The following DNAH12 variants were observed in gnomAD, a reference collection of about 807,000 sequenced individuals.
DNAH12 encodes the protein dynein axonemal heavy chain 12, also known as axonemal beta dynein heavy chain 12.
DNAH12 carries 285 observed loss-of-function variants against 371.5 expected under a neutral mutation model. The ratio of observed to expected loss-of-function variants is 0.77; its 90% CI spans 0.70 to 0.85. DNAH12 has a LOEUF of 0.85. DNAH12 is among the 40% of genes least tolerant of loss of function. The probability of loss-of-function intolerance (pLI) is 0.00; values close to 1 mark genes in which losing one functional copy is unlikely to be tolerated. For missense variants in DNAH12, 3,611 were observed against 3,689.4 expected (o/e 0.98, Z 0.55); for synonymous variants, 1,200 against 1,213.0 (o/e 0.99, Z 0.22).
chr3:57,322,946 A>C, intron 64 of DNAH12, 61 bp downstream of exon 64: 1 of 1,513,368 alleles, frequency 6.6e-7, no homozygotes, highest in Non-Finnish European at 8.9e-7. Flanking sequence ...AACAAACAAA[A>C]CAAATAAGAT....
chr3:57,349,786 C>T (rs1470877797), intron 60 of DNAH12, among the ~76,000 whole-genome samples: 1 of 152,164 alleles, frequency 6.6e-6, no homozygotes, highest in Admixed American at 6.5e-5. Context: ...GCCTCCAGGG[C>T]TCAACTGATT....
At chr3:57,364,800 G>A (rs918252242) in intron 57 of DNAH12, among the ~76,000 whole-genome samples, 1 of 152,056 alleles carries the variant, frequency 6.6e-6, no homozygotes. Context: ...TTAAAAAATG[G>A]GCAAAGGACA....
At chr3:57,398,392 A>T (rs1039272377) in intron 43 of DNAH12, among the ~76,000 whole-genome samples, 5 of 152,216 alleles carry the variant, frequency 3.3e-5, no homozygotes, top group African/African-American at 7.2e-5. Flanking sequence ...AATGACTGAA[A>T]ATTTCTCAAA....
At chr3:57,472,466 C>T in intron 14 of DNAH12, 80 bp downstream of exon 14, 1 of 1,488,294 alleles carries the variant, frequency 6.7e-7, no homozygotes, top group South Asian at 1.3e-5. Context: ...AGTTAGATGG[C>T]CAGGAGATAT....
chr3:57,542,434 T>A (rs1410900530), intron 2 of DNAH12, among the ~76,000 whole-genome samples: 1 of 152,206 alleles, frequency 6.6e-6, no homozygotes, highest in African/African-American at 2.4e-5. Flanking sequence ...TATACCTCAG[T>A]ATACTCATCT....
chr3:57,310,656 C>T, intron 67 of DNAH12, 61 bp downstream of exon 67: 1 of 1,152,350 alleles, frequency 8.7e-7, no homozygotes. Flanking sequence ...AAGAACATTT[C>T]ACCATTTGCT....
Position 57,334,608 on chromosome 3 carries a change from GC to G in DNAH12, c.9834del (p.Arg3278SerfsTer33). On this transcript the variant is annotated frameshift_variant and splice_region_variant, in exon 62 of 74. Coordinates refer to ENST00000495027, the MANE Select transcript of DNAH12 (RefSeq NM_001366028.2). LOFTEE classifies it high-confidence loss of function. ...ASEFPAFRGLRQHFCEHIYEW... is the reference protein window; with the variant it reads ...ASEFPAFRGLXQHFCEHIYEW... ...TCATATATATGTTCACAAAAATGTT[GC>G]CTAATAGAAAAAAGCTTAAGAATTA... is the stretch of plus-strand genomic sequence containing the variant. 2 of 1,530,676 alleles carry G rather than the reference GC, an allele frequency of 1.3e-6. No homozygotes were observed. The highest frequency in any genetic ancestry group is 2.8e-5 in the African/African-American group (2 of 71,760). The allele number at this position is 1,530,676 out of a possible 1,614,324, so 94.8% of individuals were successfully genotyped here.
Position 57,329,079 on chromosome 3 carries a change from G to A in DNAH12, c.9978+5386C>T, listed in dbSNP as rs1354275257. Among the ~76,000 whole-genome samples, 20 of 148,988 alleles carry A rather than the reference G, an allele frequency of 1.3e-4. 1 individual carries two copies. In the East Asian group the frequency reaches 2.8e-3, roughly 21 times the overall value. On this transcript the variant is annotated intron_variant, in intron 62 of 73. Coordinates refer to ENST00000495027, the MANE Select transcript of DNAH12 (RefSeq NM_001366028.2). Reference sequence around the variant, plus strand: ...ATTAAAGAGGATACAAACAAATGGAGGAACATTCCATGCTCATGGGTAGGA... The same window carrying A: ...ATTAAAGAGGATACAAACAAATGGAAGAACATTCCATGCTCATGGGTAGGA...
At chr3:57,370,520 TGC>T (rs2063148790) in intron 55 of DNAH12, among the ~76,000 whole-genome samples, 3 of 152,172 alleles carry the variant, frequency 2.0e-5, no homozygotes, top group Non-Finnish European at 4.4e-5. Flanking sequence ...TCTCAACCAT[TGC>T]ACAATATTAT....
intron 62 of DNAH12, among the ~76,000 whole-genome samples, chr3:57,331,310 G>A (rs943758398): frequency 1.3e-5 from 2 of 152,160 alleles, no homozygotes; most frequent in African/African-American, 4.8e-5. Context: ...AAATAGGCAG[G>A]TGTTCCCAGA....
intron 30 of DNAH12, 117 bp downstream of exon 30, chr3:57,436,834 G>A: frequency 1.5e-6 from 1 of 650,376 alleles, no homozygotes; most frequent in East Asian, 3.3e-5. Context: ...CAGGGGGCGG[G>A]CGGGGGTTGC....
intron 39 of DNAH12, among the ~76,000 whole-genome samples, chr3:57,411,526 C>CAAAAAAAAAAAAAA (rs57344840): frequency 8.7e-4 from 34 of 39,104 alleles, no homozygotes; most frequent in East Asian, 4.0e-3. Flanking sequence ...GACACTGTCT[C>CAAAAAAAAAAAAAA]AAAAAAAAAA....
Position 57,393,654 on chromosome 3 carries a change from AAG to A in DNAH12, c.7110+515_7110+516del, listed in dbSNP as rs1489632815. 5.6e-5 allele frequency among the ~76,000 whole-genome samples: 8 copies of A among 142,828 alleles called. No homozygotes were observed. The East Asian group carries it at 5.9e-4, about 10-fold the overall frequency. 93.7% of individuals were successfully genotyped at this position (142,828 alleles called of 152,430 possible). A position where few individuals can be genotyped will look rare whatever the true frequency, so the allele number is the denominator to read the frequency against. On this transcript the variant is annotated intron_variant, in intron 44 of 73. Coordinates refer to ENST00000495027, the MANE Select transcript of DNAH12 (RefSeq NM_001366028.2). ...AAAAAAAAAAAAAAAAAAAAAAAGA[AAG>A]AAAGAAAAAGAAAAAGAAAAAGAAA...
upstream of DNAH12, among the ~76,000 whole-genome samples, chr3:57,547,888 C>G (rs1251715382): frequency 3.3e-5 from 5 of 152,164 alleles, no homozygotes; most frequent in African/African-American, 1.2e-4. Context: ...TAATAATCAA[C>G]AGAGGCCTGT....
At chr3:57,499,815 G>A (rs2153389561) in intron 11 of DNAH12, among the ~76,000 whole-genome samples, 2 of 147,448 alleles carry the variant, frequency 1.4e-5, no homozygotes, top group African/African-American at 5.0e-5. Flanking sequence ...TCCAGCCTGG[G>A]CAAGAGAGTG....
intron 37 of DNAH12, among the ~76,000 whole-genome samples, chr3:57,416,126 C>T (rs2064369005): frequency 6.6e-6 from 1 of 152,124 alleles, no homozygotes. Context: ...CTCTGTCACT[C>T]AGTCTGGAAT....
chr3:57,538,724 C>T (rs140648947), intron 2 of DNAH12, among the ~76,000 whole-genome samples: 21 of 152,318 alleles, frequency 1.4e-4, no homozygotes, highest in African/African-American at 3.8e-4. Flanking sequence ...GCGCTCTCTC[C>T]TGTGTTCTCT....
intron 34 of DNAH12, among the ~76,000 whole-genome samples, chr3:57,425,944 A>G (rs886976022): frequency 1.3e-5 from 2 of 152,208 alleles, no homozygotes; most frequent in African/African-American, 4.8e-5. Flanking sequence ...AGAAAGTCTC[A>G]GGGTAGGAGG....
chr3:57,444,892 C>G (rs2065431149), intron 28 of DNAH12, 76 bp from the exon 29 acceptor site: 3 of 1,471,066 alleles, frequency 2.0e-6, no homozygotes, highest in Non-Finnish European at 1.8e-6. Context: ...CCCTCCCAGC[C>G]CCGGCCTGCC....
Sources: allele counts gnomAD v4.1 joint callset (sites outside exome capture counted in the v4.1 genomes callset), GRCh38; gene constraint gnomAD v4.1.1; transcripts MANE v1.5; gene names NCBI Gene and HGNC (gene_info 2026-07-23, HGNC 2026-07-21).